The following GALNTL6 variants were observed in gnomAD, a reference collection of about 807,000 sequenced individuals.
GALNTL6 encodes the protein polypeptide N-acetylgalactosaminyltransferase-like 6.
Under a neutral mutation model 73.7 loss-of-function variants are expected in GALNTL6, and 46 were observed. The observed-to-expected ratio is 0.62, with a 90% CI of 0.49 to 0.80. GALNTL6 has a LOEUF of 0.80. GALNTL6 is among the 30% of genes least tolerant of loss of function. GALNTL6 has a pLI of 0.00. For missense variants in GALNTL6, 604 were observed against 755.0 expected (o/e 0.80, Z 2.34); for synonymous variants, 259 against 263.7 (o/e 0.98, Z 0.17).
intron 2 of GALNTL6, among the ~76,000 whole-genome samples, chr4:172,154,406 A>G (rs996993820): frequency 6.6e-6 from 1 of 151,788 alleles, no homozygotes; most frequent in African/African-American, 2.4e-5. Flanking sequence ...CTAATTTTGT[A>G]TTTGTAGTAG....
At position 172,361,075 on chromosome 4, in the gene GALNTL6, G is replaced by C. The variant is rs918087029; in HGVS notation, c.553+12386G>C. On this transcript the variant is annotated intron_variant, in intron 5 of 12. Transcript: ENST00000506823. The stretch of plus-strand genomic sequence containing the variant: ...GATGATTAAGAATTGTGTGAAAAAG[G>C]GTACAGCAAATGAATGAATGATGAT... Among the ~76,000 whole-genome samples, 54 of 152,006 alleles carry C rather than the reference G, an allele frequency of 3.6e-4. 1 individual carries two copies. The highest frequency in any genetic ancestry group is 3.1e-3 in the Admixed American group (47 of 15,244).
chr4:172,280,676 G>T (rs1053832849), intron 3 of GALNTL6, among the ~76,000 whole-genome samples: 1 of 151,754 alleles, frequency 6.6e-6, no homozygotes, highest in African/African-American at 2.4e-5. Context: ...AATATCTGTC[G>T]ATTAAAGTAA....
At chr4:172,758,932 A>G (rs765748192) in intron 5 of GALNTL6, among the ~76,000 whole-genome samples, 3 of 152,150 alleles carry the variant, frequency 2.0e-5, no homozygotes, top group Non-Finnish European at 4.4e-5. Context: ...CCAAGGGGGG[A>G]CTATTGTAGT....
chr4:172,400,767 C>G (rs1744007821), intron 5 of GALNTL6, among the ~76,000 whole-genome samples: 1 of 151,950 alleles, frequency 6.6e-6, no homozygotes, highest in Non-Finnish European at 1.5e-5. Context: ...ATGTAAGAGC[C>G]CAGCATGAGG....
At chr4:172,177,804 CACATATATGTGTGTGTAT>C (rs1560955573) in intron 2 of GALNTL6, among the ~76,000 whole-genome samples, 5 of 129,266 alleles carry the variant, frequency 3.9e-5, no homozygotes, top group African/African-American at 1.6e-4. Context: ...TATATACACA[CACATATATGTGTGTGTAT>C]ATATACACAC....
intron 5 of GALNTL6, among the ~76,000 whole-genome samples, chr4:172,379,346 A>G (rs1021212552): frequency 6.6e-6 from 1 of 152,062 alleles, no homozygotes. Context: ...CTGGCTAACA[A>G]GGTGAAACCC....
In GALNTL6 at chr4:172,809,155, A is replaced by G. The variant is rs1422071893; in HGVS notation, c.554-206A>G. On this transcript the variant is annotated intron_variant, in intron 5 of 12. Transcript: ENST00000506823. The surrounding 1 kb of genome is among the most constrained non-coding windows in gnomAD (Gnocchi z 4.4). ...GGCATGTCAGTGACTTTTGTGTTCA[A>G]AAAAGGGCAATATTTGCAGTTTACA... is the stretch of plus-strand genomic sequence containing the variant. Among the ~76,000 whole-genome samples the G allele has an allele frequency of 1.3e-5, 2 of 152,254 alleles. No individual in the cohort carries two copies. Among genetic ancestry groups the G allele is most frequent in the East Asian group, 1.9e-4 (1 of 5,180 alleles).
At position 172,952,253 on chromosome 4, in the gene GALNTL6, G is replaced by T; in HGVS notation, c.1366G>T (p.Gly456Trp). 1.2e-6 allele frequency: 2 copies of T among 1,612,986 alleles called. No homozygotes were observed. The highest frequency in any genetic ancestry group is 1.7e-6 in the Non-Finnish European group (2 of 1,179,166). ...AGTGGAGCCCCCGCCTGCTGCCTGGGGGGAGGTGAGGAAAGGTTGCCTGAA... is the reference window on the plus strand; with the variant it reads ...AGTGGAGCCCCCGCCTGCTGCCTGGTGGGAGGTGAGGAAAGGTTGCCTGAA... ...PPVEPPPAAW[G>W]EIRNVAANLC... The change falls in exon 10 of 13, where the codon GGG becomes TGG. Residue 456 changes from glycine (G) to tryptophan (W), a missense_variant. Around this residue, in one of 5 missense-constraint regions of GALNTL6, gnomAD observed 261 missense variants for 296.5 expected, o/e 0.88. Transcript: ENST00000506823.
chr4:171,976,767 G>A (rs1253140007), intron 2 of GALNTL6, among the ~76,000 whole-genome samples: 2 of 152,170 alleles, frequency 1.3e-5, no homozygotes, highest in Non-Finnish European at 2.9e-5. Context: ...TGTGGACCAT[G>A]AGTGAATGAA....
chr4:172,499,099 C>T (rs2110770467), intron 5 of GALNTL6, among the ~76,000 whole-genome samples: 1 of 152,058 alleles, frequency 6.6e-6, no homozygotes, highest in Non-Finnish European at 1.5e-5. Flanking sequence ...CAGGAGATGG[C>T]TAAGAATAAA....
chr4:172,594,397 A>G (rs913630386), intron 5 of GALNTL6, among the ~76,000 whole-genome samples: 1 of 152,152 alleles, frequency 6.6e-6, no homozygotes, highest in Non-Finnish European at 1.5e-5. Context: ...ACCCATTTCT[A>G]TATCTTTCTC....
chr4:171,841,540 A>G (rs1284919756), intron 2 of GALNTL6, among the ~76,000 whole-genome samples: 3 of 152,128 alleles, frequency 2.0e-5, no homozygotes, highest in African/African-American at 4.8e-5. Context: ...TTTAAAACAT[A>G]CTACCATTTT....
At chr4:172,180,863 A>T (rs1007413446) in intron 2 of GALNTL6, among the ~76,000 whole-genome samples, 2 of 152,138 alleles carry the variant, frequency 1.3e-5, no homozygotes, top group Non-Finnish European at 2.9e-5. Context: ...CTTATAGCAT[A>T]GTTTGAAGTC....
At chr4:172,118,027 A>T (rs767990541) in intron 2 of GALNTL6, among the ~76,000 whole-genome samples, 3 of 152,112 alleles carry the variant, frequency 2.0e-5, no homozygotes, top group Non-Finnish European at 4.4e-5. Flanking sequence ...AAAACTGTAA[A>T]GCTAACCTTT....
At chr4:172,826,139 G>A (rs1415471280) in intron 7 of GALNTL6, among the ~76,000 whole-genome samples, 1 of 151,856 alleles carries the variant, frequency 6.6e-6, no homozygotes, top group African/African-American at 2.4e-5. Context: ...TTGGGCCCAG[G>A]ACAAGAGTGC....
At chr4:172,319,092 C>T (rs2111160593) in intron 4 of GALNTL6, among the ~76,000 whole-genome samples, 2 of 152,262 alleles carry the variant, frequency 1.3e-5, no homozygotes, top group Middle Eastern at 6.8e-3. Context: ...ACTGAAATGA[C>T]AGACAGTGAT....
chr4:172,571,511 T>G lies in GALNTL6; in HGVS notation c.553+222822T>G, dbSNP rs149284387. Among the ~76,000 whole-genome samples the G allele has an allele frequency of 1.3e-3, 202 of 152,318 alleles. 7 individuals are homozygous for G. The East Asian group carries it at 0.034, about 25-fold the overall frequency. On this transcript the variant is annotated intron_variant, in intron 5 of 12. Coordinates refer to ENST00000506823, the MANE Select transcript of GALNTL6 (RefSeq NM_001034845.3). ...TCTAGATGTTCTGAAGACAAGTTTT[T>G]TTAAAAAATACCCCTTAATTGAAGG...
intron 7 of GALNTL6, among the ~76,000 whole-genome samples, chr4:172,857,434 G>T (rs1038410274): frequency 3.9e-5 from 6 of 152,094 alleles, no homozygotes; most frequent in Non-Finnish European, 7.4e-5. Flanking sequence ...TATGAGACAC[G>T]TTGGAAAGAT....
intron 5 of GALNTL6, among the ~76,000 whole-genome samples, chr4:172,403,476 T>A (rs1744112058): frequency 6.6e-6 from 1 of 152,020 alleles, no homozygotes; most frequent in Admixed American, 6.6e-5. Context: ...AATAAACTTT[T>A]TAAATAAAAT....
Sources: allele counts gnomAD v4.1 joint callset (sites outside exome capture counted in the v4.1 genomes callset), GRCh38; gene constraint gnomAD v4.1.1; regional missense constraint gnomAD v4.1.1; non-coding constraint Gnocchi (gnomAD v3.1); transcripts MANE v1.5; gene names NCBI Gene and HGNC (gene_info 2026-07-23, HGNC 2026-07-21).